SPOCK3: variants seen among roughly 807,000 people sequenced by gnomAD.
The protein encoded by SPOCK3 is testican-3.
Under a neutral mutation model 56.6 loss-of-function variants are expected in SPOCK3, and 30 were observed. The ratio of observed to expected loss-of-function variants is 0.53; its 90% CI spans 0.40 to 0.72. SPOCK3 has a LOEUF of 0.72. Among genes scored for constraint, SPOCK3 ranks in the 30% least tolerant of loss-of-function variants. The pLI, the probability that SPOCK3 is intolerant of heterozygous loss-of-function variation, is 0.00. For synonymous variants in SPOCK3, 196 were observed against 183.3 expected (o/e 1.07, Z -0.56); for missense variants, 527 against 530.0 (o/e 0.99, Z 0.06).
intron 2 of SPOCK3, chr4:167,083,193 T>C (rs562884969): frequency 7.8e-6 from 6 of 764,924 alleles, no homozygotes; most frequent in Non-Finnish European, 1.4e-5. Flanking sequence ...TAGCTAGTCA[T>C]AGAATTGCCA....
chr4:166,862,152 G>A (rs1230023077), intron 6 of SPOCK3, among the ~76,000 whole-genome samples: 1 of 152,010 alleles, frequency 6.6e-6, no homozygotes, highest in Non-Finnish European at 1.5e-5. Context: ...GCAGCAAGTA[G>A]GTTCAGATTG....
chr4:166,972,797 A>G (rs1193709214), intron 4 of SPOCK3, among the ~76,000 whole-genome samples: 1 of 151,750 alleles, frequency 6.6e-6, no homozygotes, highest in Non-Finnish European at 1.5e-5. Context: ...ATATATAACA[A>G]TAAGTAAATT....
Position 166,748,246 on chromosome 4 carries a change from C to T in SPOCK3, c.932-6187G>A, listed in dbSNP as rs1398926258. On this transcript the variant is annotated intron_variant, in intron 8 of 10. Transcript: ENST00000357545. ...CCTGACTTCAAACTATACTACAAGG[C>T]TATGGTAACCAAAACAGCATGGTAC... 2.2e-5 allele frequency among the ~76,000 whole-genome samples: 3 copies of T among 137,370 alleles called. 1 individual carries two copies. The highest frequency in any genetic ancestry group is 6.2e-5 in the African/African-American group (2 of 32,252). 90.1% of individuals were successfully genotyped at this position (137,370 alleles called of 152,430 possible).
At chr4:166,801,714 T>C (rs1249170139) in intron 6 of SPOCK3, among the ~76,000 whole-genome samples, 1 of 152,188 alleles carries the variant, frequency 6.6e-6, no homozygotes, top group East Asian at 1.9e-4. Flanking sequence ...TTGTTTTATT[T>C]ATAATTTATT....
intron 4 of SPOCK3, among the ~76,000 whole-genome samples, chr4:166,946,957 C>A (rs1741838717): frequency 6.6e-6 from 1 of 152,090 alleles, no homozygotes; most frequent in Non-Finnish European, 1.5e-5. Flanking sequence ...TTAAGATGGA[C>A]AATAATTTTG....
At chr4:167,164,384 A>G (rs1765579015) in intron 2 of SPOCK3, among the ~76,000 whole-genome samples, 1 of 152,116 alleles carries the variant, frequency 6.6e-6, no homozygotes, top group South Asian at 2.1e-4. Context: ...CATGAATTCA[A>G]AAAAATTAAT....
In SPOCK3 at chr4:167,060,436, T is replaced by A. The variant is rs183099506; in HGVS notation, c.235+2056A>T. ...ATGATGGACACTATTTAGATGGAAA[T>A]AGGATTATTTTGCTCACTCCTCAGT... On this transcript the variant is annotated intron_variant, in intron 3 of 10. Transcript: ENST00000357545. 2.4e-3 allele frequency among the ~76,000 whole-genome samples: 371 copies of A among 152,134 alleles called. 4 individuals carry two copies. Among genetic ancestry groups the A allele is most frequent in the East Asian group, 9.7e-4 (5 of 5,154 alleles).
intron 6 of SPOCK3, among the ~76,000 whole-genome samples, chr4:166,798,841 G>A (rs755276573): frequency 6.6e-6 from 1 of 152,120 alleles, no homozygotes; most frequent in Non-Finnish European, 1.5e-5. Context: ...GACAGCAGCA[G>A]CTGAGGAATT....
chr4:167,109,362 TTA>T (rs1401109841), intron 2 of SPOCK3, among the ~76,000 whole-genome samples: 633 of 38,640 alleles, frequency 0.016, 14 homozygotes, highest in African/African-American at 0.045. Context: ...AAATATATAT[TTA>T]TATATATATT....
intron 7 of SPOCK3, among the ~76,000 whole-genome samples, chr4:166,770,829 T>C (rs560636321): frequency 4.4e-4 from 67 of 152,064 alleles, no homozygotes; most frequent in Non-Finnish European, 7.7e-4. Context: ...TAATGGAACA[T>C]TTAATCATAA....
chr4:166,963,450 T>C (rs1023560045), intron 4 of SPOCK3, among the ~76,000 whole-genome samples: 5 of 151,976 alleles, frequency 3.3e-5, no homozygotes, highest in African/African-American at 1.2e-4. Flanking sequence ...AATTTTGTTC[T>C]TGAATCATCA....
At chr4:167,090,320 G>T (rs1758596453) in intron 2 of SPOCK3, among the ~76,000 whole-genome samples, 2 of 151,406 alleles carry the variant, frequency 1.3e-5, no homozygotes, top group Admixed American at 1.3e-4. Flanking sequence ...CCCATTTTTT[G>T]GGTCATTCTA....
intron 2 of SPOCK3, among the ~76,000 whole-genome samples, chr4:167,141,561 A>G (rs1388550137): frequency 6.6e-6 from 1 of 152,158 alleles, no homozygotes. Context: ...GTTTTCCCCA[A>G]TGGCAGCTGA....
intron 3 of SPOCK3, among the ~76,000 whole-genome samples, chr4:167,049,100 T>C (rs960515715): frequency 1.7e-4 from 22 of 130,500 alleles, no homozygotes; most frequent in African/African-American, 7.1e-4. Context: ...AAAGTTAATT[T>C]TCTTTTTCTT....
intron 4 of SPOCK3, among the ~76,000 whole-genome samples, chr4:166,941,255 T>C (rs1398612383): frequency 6.6e-6 from 1 of 152,122 alleles, no homozygotes; most frequent in African/African-American, 2.4e-5. Flanking sequence ...TTAGAATCTG[T>C]GGACAAGAGA....
chr4:166,749,866 A>C (rs1736153898), intron 8 of SPOCK3, among the ~76,000 whole-genome samples: 1 of 152,100 alleles, frequency 6.6e-6, no homozygotes, highest in Admixed American at 6.6e-5. Context: ...GACATTTAAG[A>C]ACTAAGAGGA....
intron 2 of SPOCK3, among the ~76,000 whole-genome samples, chr4:167,212,910 A>G (rs1580645697): frequency 1.3e-5 from 2 of 152,328 alleles, no homozygotes; most frequent in Admixed American, 1.3e-4. Context: ...ATATTTTTCA[A>G]GCTACATGAC....
chr4:167,054,402 A>AT (rs1754563770), intron 3 of SPOCK3, among the ~76,000 whole-genome samples: 1 of 152,190 alleles, frequency 6.6e-6, no homozygotes, highest in Non-Finnish European at 1.5e-5. Flanking sequence ...TCACACATGC[A>AT]TTTTCCCTTC....
intron 6 of SPOCK3, among the ~76,000 whole-genome samples, chr4:166,855,082 G>C (rs535305194): frequency 2.0e-5 from 3 of 152,152 alleles, no homozygotes; most frequent in South Asian, 2.1e-4. Context: ...TTTAAAACCA[G>C]AATGTAACCA....
Sources: allele counts gnomAD v4.1 joint callset (sites outside exome capture counted in the v4.1 genomes callset), GRCh38; gene constraint gnomAD v4.1.1; transcripts MANE v1.5; gene names NCBI Gene and HGNC (gene_info 2026-07-23, HGNC 2026-07-21).